ITGA2: variants seen among roughly 807,000 people sequenced by gnomAD.
ITGA2 encodes the protein integrin alpha-2.
A neutral mutation model predicts 146.3 loss-of-function variants in ITGA2; 101 were observed. The ratio of observed to expected loss-of-function variants is 0.69; its 90% CI spans 0.59 to 0.81. The LOEUF (loss-of-function observed/expected upper bound fraction) is 0.81. Among genes scored for constraint, ITGA2 ranks in the 40% least tolerant of loss-of-function variants. The pLI is 0.00. For synonymous variants in ITGA2, 477 were observed against 487.1 expected, an observed-to-expected ratio of 0.98 and a Z score of 0.27; for missense variants, 1,281 against 1,402.7, an observed-to-expected ratio of 0.91 and a Z score of 1.39.
Position 53,051,411 on chromosome 5 carries a change from G to T in ITGA2, c.631G>T (p.Val211Leu), listed in dbSNP as rs753613027. ...GLDIGPTKTQ[V>L]GLIQYANNPR... ...TTAATAAATGTCTCCTCTGTTGAAGGTGGGGTTAATTCAGTATGCCAATAA... is the reference window on the plus strand; with the variant it reads ...TTAATAAATGTCTCCTCTGTTGAAGTTGGGGTTAATTCAGTATGCCAATAA... Residue 211 changes from valine to leucine, a missense_variant and splice_region_variant, in exon 7 of 30, where the codon GTG (valine) becomes TTG (leucine). Coordinates refer to ENST00000296585, the MANE Select transcript of ITGA2 (RefSeq NM_002203.4). 2.5e-6 allele frequency: 4 copies of T among 1,612,910 alleles called. No homozygotes were observed. The highest frequency in any genetic ancestry group is 1.6e-4 in the Middle Eastern group (1 of 6,070).
chr5:53,035,185 A>T (rs866511903), intron 2 of ITGA2, among the ~76,000 whole-genome samples: 1 of 152,202 alleles, frequency 6.6e-6, no homozygotes, highest in Non-Finnish European at 1.5e-5. Flanking sequence ...GCAAAATGTG[A>T]TGGTCTTAAA....
At chr5:53,025,641 G>A (rs538444668) in intron 1 of ITGA2, among the ~76,000 whole-genome samples, 33 of 152,316 alleles carry the variant, frequency 2.2e-4, no homozygotes, top group African/African-American at 6.3e-4. Context: ...GCCTTTCAGT[G>A]CCTAAAACAA....
intron 1 of ITGA2, among the ~76,000 whole-genome samples, chr5:52,996,165 G>A (rs1447397228): frequency 2.0e-5 from 3 of 152,132 alleles, no homozygotes; most frequent in Non-Finnish European, 4.4e-5. Flanking sequence ...TAAAATGGGA[G>A]CAGCTGCCTT....
Position 53,045,058 on chromosome 5 carries a change from T to C in ITGA2, c.353T>C (p.Ile118Thr), listed in dbSNP as rs762262481. 11 of 1,613,860 alleles carry C rather than the reference T, an allele frequency of 6.8e-6. No individual in the cohort carries two copies. Among genetic ancestry groups the C allele is most frequent in the Non-Finnish European group, 9.3e-6 (11 of 1,179,862 alleles). ...AAAACCAACATGAGCCTCGGCTTGA[T>C]CCTCACCAGGAACATGGGAACTGGA... ...EMKTNMSLGL[I>T]LTRNMGTGGF... Residue 118 changes from isoleucine (I) to threonine (T), a missense_variant, in exon 4 of 30, where the codon ATC becomes ACC. By Grantham distance (89) the Ile-to-Thr change is moderately conservative. This residue lies in a region of ITGA2 where 795 missense variants were observed against 841.7 expected (regional missense o/e 0.94). Transcript: ENST00000296585.
At chr5:53,030,781 A>G (rs746812185) in intron 2 of ITGA2, among the ~76,000 whole-genome samples, 2 of 152,258 alleles carry the variant, frequency 1.3e-5, no homozygotes, top group Non-Finnish European at 2.9e-5. Flanking sequence ...AGAAGACATC[A>G]GTCAGTGTAA....
intron 1 of ITGA2, among the ~76,000 whole-genome samples, chr5:53,020,162 A>G (rs946131930): frequency 2.6e-5 from 4 of 152,224 alleles, no homozygotes; most frequent in East Asian, 1.9e-4. Context: ...TTATTGAGTG[A>G]ACAAAAAATA....
At position 53,073,087 on chromosome 5, in the gene ITGA2, G is replaced by A. The variant is rs3212587; in HGVS notation, c.2430-31G>A. ...CTGGCCTTTTTATTTAACAGTAATGGCTTTTCCCCCCTCCTTTTTACTTTT... is the reference window on the plus strand; with the variant it reads ...CTGGCCTTTTTATTTAACAGTAATGACTTTTCCCCCCTCCTTTTTACTTTT... On this transcript the variant is annotated intron_variant, in intron 19 of 29. Transcript: ENST00000296585. 1,247 of 1,607,440 alleles carry A rather than the reference G, an allele frequency of 7.8e-4. 12 individuals carry two copies. The African/African-American group carries it at 0.015, about 19-fold the overall frequency.
intron 28 of ITGA2, 46 bp from the exon 29 acceptor site, chr5:53,089,898 CCT>C (rs1491368353): frequency 2.2e-5 from 24 of 1,090,448 alleles, no homozygotes; most frequent in African/African-American, 4.6e-5. Context: ...CCATCTCCCC[CCT>C]TTTTTGTGGT....
intron 1 of ITGA2, among the ~76,000 whole-genome samples, chr5:52,996,135 G>GGA (rs990523394): frequency 6.6e-6 from 1 of 152,172 alleles, no homozygotes; most frequent in African/African-American, 2.4e-5. Context: ...GTAAAAGGGA[G>GGA]GAGAGAGTAG....
chr5:53,084,190 G>A (rs1374431122), intron 27 of ITGA2, among the ~76,000 whole-genome samples: 1 of 152,174 alleles, frequency 6.6e-6, no homozygotes, highest in Admixed American at 6.5e-5. Flanking sequence ...AAACTGGACT[G>A]CTTGTGTGGC....
Position 53,057,461 on chromosome 5 carries a change from A to G in ITGA2, c.1097-564A>G, listed in dbSNP as rs149615473. ...GTGTTAGTGACACAGGCAAGCACATATACAGAACCAGAACAAACTTCCCAA... is the reference window on the plus strand; with the variant it reads ...GTGTTAGTGACACAGGCAAGCACATGTACAGAACCAGAACAAACTTCCCAA... On this transcript the variant is annotated intron_variant, in intron 9 of 29. Transcript: ENST00000296585. Among the ~76,000 whole-genome samples, 62 of 152,070 alleles carry G rather than the reference A, an allele frequency of 4.1e-4. 1 individual carries two copies. The highest frequency in any genetic ancestry group is 1.4e-3 in the African/African-American group (58 of 41,554).
chr5:53,016,533 C>T (rs767745392), intron 1 of ITGA2, among the ~76,000 whole-genome samples: 2 of 152,074 alleles, frequency 1.3e-5, no homozygotes, highest in South Asian at 2.1e-4. Flanking sequence ...TCTCTATTTT[C>T]GACTTTGGAG....
At chr5:53,051,218 T>C (rs1476485869) in intron 6 of ITGA2, among the ~76,000 whole-genome samples, 193 bp from the exon 7 acceptor site, 1 of 152,196 alleles carries the variant, frequency 6.6e-6, no homozygotes, top group Non-Finnish European at 1.5e-5. Context: ...ACTGCTGTTG[T>C]ACACTGATGG....
intron 20 of ITGA2, 23 bp from the exon 21 acceptor site, chr5:53,074,359 ATTG>A: frequency 6.3e-7 from 1 of 1,591,396 alleles, no homozygotes; most frequent in Non-Finnish European, 8.6e-7. Flanking sequence ...CCAATTGATC[ATTG>A]TTGTTTCCTT....
chr5:52,997,601 T>C (rs1414012647), intron 1 of ITGA2, among the ~76,000 whole-genome samples: 2 of 152,212 alleles, frequency 1.3e-5, no homozygotes, highest in Non-Finnish European at 2.9e-5. Context: ...CCGGATTCAT[T>C]TGAAGGTGGC....
At chr5:53,082,612 C>G (rs1051361350) in intron 26 of ITGA2, among the ~76,000 whole-genome samples, 2 of 152,150 alleles carry the variant, frequency 1.3e-5, no homozygotes, top group African/African-American at 4.8e-5. Flanking sequence ...GCCTCCCCCA[C>G]TATCAAAATC....
At chr5:53,085,666 G>A (rs1316368229) in intron 27 of ITGA2, among the ~76,000 whole-genome samples, 1 of 152,092 alleles carries the variant, frequency 6.6e-6, no homozygotes, top group African/African-American at 2.4e-5. Context: ...CAGTGGAAAG[G>A]AAATAAATTG....
At chr5:52,993,323 C>T (rs920178253) in intron 1 of ITGA2, among the ~76,000 whole-genome samples, 2 of 152,166 alleles carry the variant, frequency 1.3e-5, no homozygotes, top group African/African-American at 4.8e-5. Context: ...TCTCTTAATA[C>T]TAGGTCCTGA....
chr5:53,081,461 A>G, intron 25 of ITGA2, 131 bp from the exon 26 acceptor site: 1 of 721,146 alleles, frequency 1.4e-6, no homozygotes, highest in Non-Finnish European at 2.5e-6. Context: ...TGGCCAGGTC[A>G]GTGGCGTTGA....
Sources: gnomAD v4.1 joint callset for allele counts (sites outside exome capture counted in the v4.1 genomes callset) on GRCh38, gnomAD v4.1.1 for gene constraint, gnomAD v4.1.1 regional missense constraint, MANE v1.5 for transcripts, NCBI Gene and HGNC (gene_info 2026-07-23, HGNC 2026-07-21) for gene names.